Variants in PELI2 observed in about 807,000 individuals in gnomAD.
PELI2 encodes pellino E3 ubiquitin protein ligase family member 2.
A neutral mutation model predicts 42.3 loss-of-function variants in PELI2; 23 were observed. The ratio of observed to expected loss-of-function variants is 0.54; its 90% CI spans 0.39 to 0.77. The LOEUF (loss-of-function observed/expected upper bound fraction) is 0.77, where lower values mean the gene tolerates loss of function less well. Ranked by LOEUF, PELI2 falls within the 30% of genes least tolerant of loss-of-function variation. The pLI is 0.00. For synonymous variants in PELI2, 245 were observed against 212.2 expected (o/e 1.15, Z -1.34); for missense variants, 463 against 553.2 (o/e 0.84, Z 1.64).
intron 1 of PELI2, among the ~76,000 whole-genome samples, chr14:56,145,619 G>C (rs184863198): frequency 3.9e-5 from 6 of 152,116 alleles, no homozygotes; most frequent in Admixed American, 3.3e-4. Context: ...TAGATTAGCC[G>C]AGGGCATTAT....
intron 1 of PELI2, among the ~76,000 whole-genome samples, chr14:56,177,630 A>G (rs1469688860): frequency 6.6e-6 from 1 of 152,240 alleles, no homozygotes; most frequent in East Asian, 1.9e-4. Flanking sequence ...TATTAGCTAA[A>G]TACAGGAAAC....
chr14:56,145,485 G>T (rs1253169271), intron 1 of PELI2, among the ~76,000 whole-genome samples: 2 of 152,090 alleles, frequency 1.3e-5, no homozygotes, highest in African/African-American at 2.4e-5. Context: ...ATCTGTTTCA[G>T]TCACAGAATG....
chr14:56,217,003 AT>A (rs904122300), intron 2 of PELI2, among the ~76,000 whole-genome samples: 6 of 151,864 alleles, frequency 4.0e-5, no homozygotes, highest in African/African-American at 9.7e-5. Flanking sequence ...TCTAGAAGTT[AT>A]TTTTTTTTAA....
chr14:56,252,691 G>C (rs78959211), intron 2 of PELI2, among the ~76,000 whole-genome samples: 17,325 of 152,130 alleles, frequency 0.11, 1,277 homozygotes, highest in Non-Finnish European at 0.16. Flanking sequence ...TCAATAACAA[G>C]TTCTGAAATT....
intron 5 of PELI2, chr14:56,292,966 G>A (rs1169062925): frequency 3.4e-6 from 1 of 298,282 alleles, no homozygotes; most frequent in Non-Finnish European, 5.0e-6. Context: ...ATAAAATTAA[G>A]TAAATTCAGT....
intron 1 of PELI2, among the ~76,000 whole-genome samples, chr14:56,154,513 A>T (rs1360356827): frequency 1.3e-5 from 2 of 152,190 alleles, no homozygotes; most frequent in Non-Finnish European, 2.9e-5. Flanking sequence ...CCATGTGAAG[A>T]AGGTCCTTGC....
chr14:56,236,893 C>A (rs2139784530), intron 2 of PELI2, among the ~76,000 whole-genome samples: 1 of 152,276 alleles, frequency 6.6e-6, no homozygotes. Context: ...TTGAGATAGG[C>A]AACTTTCTTT....
chr14:56,130,954 C>T (rs7157701), intron 1 of PELI2, among the ~76,000 whole-genome samples: 1 of 152,112 alleles, frequency 6.6e-6, no homozygotes, highest in Non-Finnish European at 1.5e-5. Flanking sequence ...ATTTGTATTT[C>T]GTTTATAGTT....
intron 2 of PELI2, among the ~76,000 whole-genome samples, chr14:56,178,804 G>A (rs1726754672): frequency 6.6e-6 from 1 of 152,176 alleles, no homozygotes. Context: ...GTATACCAAA[G>A]CAGCTAGCAT....
At chr14:56,292,077 A>G (rs1156886325) in intron 5 of PELI2, among the ~76,000 whole-genome samples, 1 of 152,206 alleles carries the variant, frequency 6.6e-6, no homozygotes, top group Non-Finnish European at 1.5e-5. Flanking sequence ...GTTATTGTGT[A>G]ATGACCCTTC....
chr14:56,267,685 A>G (rs1366965377), intron 2 of PELI2, among the ~76,000 whole-genome samples: 6 of 152,148 alleles, frequency 3.9e-5, no homozygotes, highest in African/African-American at 1.2e-4. Context: ...TTTATTCCAT[A>G]AAGAAAATGA....
intron 1 of PELI2, among the ~76,000 whole-genome samples, chr14:56,143,648 G>A (rs1272238938): frequency 6.6e-6 from 1 of 152,164 alleles, no homozygotes; most frequent in Non-Finnish European, 1.5e-5. Context: ...TGGAGTTTGG[G>A]ATATTTATTT....
chr14:56,289,020 T>G (rs1889736648), intron 4 of PELI2, among the ~76,000 whole-genome samples: 1 of 152,198 alleles, frequency 6.6e-6, no homozygotes, highest in African/African-American at 2.4e-5. Context: ...TATGAGTGTT[T>G]GCTATGTTCC....
chr14:56,225,538 G>C (rs999004946), intron 2 of PELI2, among the ~76,000 whole-genome samples: 1 of 152,210 alleles, frequency 6.6e-6, no homozygotes, highest in Non-Finnish European at 1.5e-5. Flanking sequence ...ACATTTTCAA[G>C]TGAGGTCCTG....
At chr14:56,184,208 A>G (rs1480727657) in intron 2 of PELI2, among the ~76,000 whole-genome samples, 1 of 152,112 alleles carries the variant, frequency 6.6e-6, no homozygotes, top group African/African-American at 2.4e-5. Flanking sequence ...CTATTACATG[A>G]TATACTAACC....
chr14:56,123,197 C>T (rs1349678948), intron 1 of PELI2, among the ~76,000 whole-genome samples: 1 of 148,774 alleles, frequency 6.7e-6, no homozygotes, highest in Non-Finnish European at 1.5e-5. Flanking sequence ...TTTTTAAAAG[C>T]AGGTCCCACT....
intron 3 of PELI2, among the ~76,000 whole-genome samples, chr14:56,283,908 T>C (rs1383446069): frequency 6.6e-6 from 1 of 152,186 alleles, no homozygotes. Flanking sequence ...GACAGGCTTG[T>C]TTCCATTTTT....
intron 2 of PELI2, among the ~76,000 whole-genome samples, chr14:56,266,160 C>G (rs1324689308): frequency 6.6e-6 from 1 of 151,882 alleles, no homozygotes; most frequent in Non-Finnish European, 1.5e-5. Context: ...CATAGAAATA[C>G]TAAAGAAAAA....
At chr14:56,169,149 G>A (rs967327789) in intron 1 of PELI2, among the ~76,000 whole-genome samples, 2 of 152,176 alleles carry the variant, frequency 1.3e-5, no homozygotes, top group Non-Finnish European at 2.9e-5. Flanking sequence ...CTGAGGTTAG[G>A]GGAGGGGTGA....
Sources: allele counts gnomAD v4.1 joint callset (sites outside exome capture counted in the v4.1 genomes callset), GRCh38; gene constraint gnomAD v4.1.1; transcripts MANE v1.5; gene names NCBI Gene and HGNC (gene_info 2026-07-23, HGNC 2026-07-21).